SVIL: variants seen among roughly 807,000 people sequenced by gnomAD.
SVIL encodes supervillin, also known as archvillin.
A neutral mutation model predicts 240.4 loss-of-function variants in SVIL; 101 were observed. That is an observed-to-expected ratio of 0.42 (90% confidence interval 0.36 to 0.50). SVIL has a LOEUF of 0.50. SVIL is among the 20% of genes least tolerant of loss of function. SVIL has a pLI of 0.01. For missense variants in SVIL, 2,512 were observed against 2,818.7 expected (o/e 0.89, Z 2.46); for synonymous variants, 999 against 1,100.0 (o/e 0.91, Z 1.82).
chr10:29,551,625 T>C (rs566958072), intron 5 of SVIL, among the ~76,000 whole-genome samples: 4 of 152,268 alleles, frequency 2.6e-5, no homozygotes, highest in Admixed American at 6.5e-5. Context: ...TGGGAGGCCA[T>C]AGGATGAGTT....
At chr10:29,587,370 C>T (rs1434354861) in intron 1 of SVIL, among the ~76,000 whole-genome samples, 1 of 152,256 alleles carries the variant, frequency 6.6e-6, no homozygotes, top group Non-Finnish European at 1.5e-5. Flanking sequence ...CCTCCGCAGT[C>T]TGCCTAATAA....
chr10:29,533,699 G>C lies in SVIL; in HGVS notation c.909-241C>G, dbSNP rs1463935698. 5.3e-5 allele frequency among the ~76,000 whole-genome samples: 8 copies of C among 152,258 alleles called. No individual in the cohort carries two copies. The South Asian group carries it at 1.7e-3, about 32-fold the overall frequency. Reference sequence around the variant, plus strand: ...TCTACCCCTGTAAAAGCTGGCAGGGGTCAGATGCTATCCTGGGGGAGAATG... The same window carrying C: ...TCTACCCCTGTAAAAGCTGGCAGGGCTCAGATGCTATCCTGGGGGAGAATG... On this transcript the variant is annotated intron_variant, in intron 7 of 37. Transcript: ENST00000355867.
intron 1 of SVIL, among the ~76,000 whole-genome samples, chr10:29,709,934 C>T (rs1263073930): frequency 2.0e-5 from 3 of 152,150 alleles, no homozygotes; most frequent in Non-Finnish European, 2.9e-5. Flanking sequence ...CAATGGGCCA[C>T]GGAACCATGC....
intron 29 of SVIL, among the ~76,000 whole-genome samples, chr10:29,476,630 T>C (rs1946224338): frequency 5.3e-5 from 8 of 152,134 alleles, no homozygotes; most frequent in Admixed American, 5.2e-4. Flanking sequence ...GTCTGAAACA[T>C]GTGGCCTTAA....
chr10:29,587,833 T>C (rs1956231147), intron 1 of SVIL, among the ~76,000 whole-genome samples: 1 of 152,090 alleles, frequency 6.6e-6, no homozygotes, highest in Admixed American at 6.6e-5. Flanking sequence ...TTCTTAGCAT[T>C]CCAGAAAATG....
chr10:29,472,326 C>A (rs1945678905), intron 30 of SVIL, among the ~76,000 whole-genome samples: 1 of 152,158 alleles, frequency 6.6e-6, no homozygotes, highest in Admixed American at 6.5e-5. Flanking sequence ...AGTACCATTT[C>A]TAAAATATAG....
Position 29,462,310 on chromosome 10 carries a change from C to T in SVIL, c.6369G>A (p.Glu2123=). ...LTFTNMFPSW[E]HREDIAEITE... is the part of the protein sequence containing the mutation. ...TGATCTCAGCGATGTCCTCTCTGTGCTCCCAGCTGGGAAACATATTGGTGA... is the reference window on the plus strand; with the variant it reads ...TGATCTCAGCGATGTCCTCTCTGTGTTCCCAGCTGGGAAACATATTGGTGA... Residue 2123 remains glutamate, a synonymous_variant, in exon 36 of 38, where the codon GAG becomes GAA. Coordinates refer to ENST00000355867, the MANE Select transcript of SVIL (RefSeq NM_021738.3). 3 of 1,614,206 alleles carry T rather than the reference C, an allele frequency of 1.9e-6. No homozygotes were observed. The highest frequency in any genetic ancestry group is 2.5e-6 in the Non-Finnish European group (3 of 1,180,032).
chr10:29,713,536 T>C (rs1963431085), intron 1 of SVIL, among the ~76,000 whole-genome samples: 2 of 152,220 alleles, frequency 1.3e-5, no homozygotes. Context: ...CAGCAAATTT[T>C]TTTTTTCTGT....
intron 1 of SVIL, among the ~76,000 whole-genome samples, chr10:29,594,396 C>A (rs1956501556): frequency 6.6e-6 from 1 of 151,880 alleles, no homozygotes; most frequent in Non-Finnish European, 1.5e-5. Context: ...CAAGAGTAAA[C>A]CCTAATTAAA....
Position 29,480,814 on chromosome 10 carries a change from C to T in SVIL, c.5101-1G>A. On this transcript the variant is annotated splice_acceptor_variant, in intron 28 of 37. Coordinates refer to ENST00000355867, the MANE Select transcript of SVIL (RefSeq NM_021738.3). LOFTEE classifies it high-confidence loss of function. Reference sequence around the variant, plus strand: ...CCTTGACATCAGTCCTGGGGTCTTCCTACAGGGGAACACAAAGACATCAGT... The same window carrying T: ...CCTTGACATCAGTCCTGGGGTCTTCTTACAGGGGAACACAAAGACATCAGT... 1 of 1,600,934 alleles carries T rather than the reference C, an allele frequency of 6.2e-7. No individual in the cohort carries two copies. Among genetic ancestry groups the T allele is most frequent in the African/African-American group, 1.3e-5 (1 of 74,896 alleles).
chr10:29,735,432 C>T lies in SVIL; in HGVS notation c.-400+319G>A, dbSNP rs893209595. 2.6e-5 allele frequency among the ~76,000 whole-genome samples: 4 copies of T among 152,014 alleles called. No homozygotes were observed. The highest frequency in any genetic ancestry group is 5.9e-5 in the Non-Finnish European group (4 of 67,968). ...TCCCGAAACTCCGCGGAGAGAAACC[C>T]TGCCCCGGCCCGCTCCTCCCCGAGG... On this transcript the variant is annotated intron_variant, in intron 1 of 35. Coordinates refer to the SVIL transcript ENST00000375400. This position sits in a 1 kb window ranked among gnomAD's most constrained non-coding sequence, Gnocchi z 4.1.
intron 16 of SVIL, 80 bp from the exon 17 acceptor site, chr10:29,512,941 G>A (rs1784133218): frequency 6.5e-7 from 1 of 1,537,012 alleles, no homozygotes; most frequent in Admixed American, 2.0e-5. Flanking sequence ...AGGTAAGAGA[G>A]GCGGCTTGGG....
At chr10:29,471,268 A>AG (rs1395224464) in intron 30 of SVIL, 25 bp from the exon 31 acceptor site, 1 of 1,577,566 alleles carries the variant, frequency 6.3e-7, no homozygotes, top group East Asian at 2.3e-5. Flanking sequence ...AGAGGTAAAT[A>AG]GGTAAGGGGC....
intron 28 of SVIL, among the ~76,000 whole-genome samples, chr10:29,481,135 T>G (rs544825584): frequency 1.3e-4 from 18 of 137,840 alleles, no homozygotes; most frequent in East Asian, 1.0e-3. Flanking sequence ...GCTTTAAGGG[T>G]GTGTGTGTGT....
At position 29,512,823 on chromosome 10, in the gene SVIL, C is replaced by T. The variant is rs1374627132; in HGVS notation, c.3428G>A (p.Arg1143Lys). ...LLKKSGEEDWRNRLSRRQEGG... is the reference protein window; with the variant it reads ...LLKKSGEEDWKNRLSRRQEGG... Reference sequence around the variant, plus strand: ...CTCCTGCCTCCTGCTGAGTCTGTTTCTCCAATCTTCCTCCCCGCTTTTCTT... The same window carrying T: ...CTCCTGCCTCCTGCTGAGTCTGTTTTTCCAATCTTCCTCCCCGCTTTTCTT... Residue 1143 changes from arginine (R) to lysine (K), a missense_variant, in exon 17 of 38, where the codon AGA becomes AAA. Coordinates refer to ENST00000355867, the MANE Select transcript of SVIL (RefSeq NM_021738.3). The T allele has an allele frequency of 6.8e-6, 11 of 1,612,188 alleles. No individual in the cohort carries two copies. Among genetic ancestry groups the T allele is most frequent in the Non-Finnish European group, 9.3e-6 (11 of 1,180,018 alleles).
At chr10:29,625,524 C>T (rs17566620) in intron 1 of SVIL, among the ~76,000 whole-genome samples, 4 of 152,000 alleles carry the variant, frequency 2.6e-5, no homozygotes, top group South Asian at 2.1e-4. Flanking sequence ...AGTGCAGCGG[C>T]GCGATCTCTG....
At chr10:29,632,606 A>C (rs750170593) in intron 1 of SVIL, among the ~76,000 whole-genome samples, 5 of 152,230 alleles carry the variant, frequency 3.3e-5, no homozygotes, top group African/African-American at 4.8e-5. Context: ...ATCACAAAAC[A>C]GTCTGTCTCC....
Position 29,527,137 on chromosome 10 carries a change from T to C in SVIL, c.2247-81A>G. The C allele has an allele frequency of 2.4e-6, 3 of 1,273,758 alleles. No homozygotes were observed. In the South Asian group the frequency reaches 4.0e-5, roughly 17 times the overall value. The allele number at this position is 1,273,758 out of a possible 1,614,324, so 78.9% of individuals were successfully genotyped here. A position where few individuals can be genotyped will look rare whatever the true frequency, so the allele number is the denominator to read the frequency against. On this transcript the variant is annotated intron_variant, in intron 12 of 37. Coordinates refer to ENST00000355867, the MANE Select transcript of SVIL (RefSeq NM_021738.3). ...CATTAAGGACAGCATAGTTTTAAAT[T>C]CAGAAACGTTAAATCAAAAATTTTA...
intron 1 of SVIL, among the ~76,000 whole-genome samples, chr10:29,693,315 G>A (rs1564768768): frequency 1.3e-5 from 2 of 151,898 alleles, no homozygotes; most frequent in Admixed American, 1.3e-4. Context: ...TTGGGGATGG[G>A]GGGTGGGGGA....
Sources: gnomAD v4.1 joint callset for allele counts (sites outside exome capture counted in the v4.1 genomes callset) on GRCh38, gnomAD v4.1.1 for gene constraint, Gnocchi (gnomAD v3.1) non-coding constraint, MANE v1.5 for transcripts, NCBI Gene and HGNC (gene_info 2026-07-23, HGNC 2026-07-21) for gene names.